Variants in KCNT2 observed in about 807,000 individuals in gnomAD.
KCNT2 encodes the protein potassium sodium-activated channel subfamily T member 2, also known as potassium channel subfamily T member 2.
KCNT2 carries 67 observed loss-of-function variants against 153.8 expected under a neutral mutation model. The ratio of observed to expected loss-of-function variants is 0.44; its 90% CI spans 0.36 to 0.53. KCNT2 has a LOEUF of 0.53. Among genes scored for constraint, KCNT2 ranks in the 20% least tolerant of loss-of-function variants. The pLI is 0.00. For missense variants in KCNT2, 975 were observed against 1,354.8 expected (o/e 0.72, Z 4.40); for synonymous variants, 500 against 458.8 (o/e 1.09, Z -1.15).
At chr1:196,498,764 C>T (rs906622364) in intron 1 of KCNT2, among the ~76,000 whole-genome samples, 2 of 152,188 alleles carry the variant, frequency 1.3e-5, no homozygotes, top group African/African-American at 2.4e-5. Context: ...AGAAAGCATA[C>T]TGCCAAGGTT....
chr1:196,442,238 C>A (rs1675297101), intron 8 of KCNT2, among the ~76,000 whole-genome samples: 1 of 151,798 alleles, frequency 6.6e-6, no homozygotes, highest in Non-Finnish European at 1.5e-5. Flanking sequence ...TACTTAATCA[C>A]TTTACCTTTC....
chr1:196,591,344 G>C (rs1030900385), intron 1 of KCNT2, among the ~76,000 whole-genome samples: 2 of 152,040 alleles, frequency 1.3e-5, no homozygotes, highest in African/African-American at 4.8e-5. Context: ...TACCATGCTT[G>C]CACAGCCTGA....
chr1:196,482,293 A>G, intron 4 of KCNT2, 38 bp downstream of exon 4: 1 of 1,329,636 alleles, frequency 7.5e-7, no homozygotes, highest in South Asian at 1.3e-5. Flanking sequence ...ATGTGAATAA[A>G]CCCAGAGATA....
intron 8 of KCNT2, among the ~76,000 whole-genome samples, chr1:196,464,825 C>G (rs1335388460): frequency 6.6e-6 from 1 of 151,988 alleles, no homozygotes; most frequent in African/African-American, 2.4e-5. Flanking sequence ...TTGCCTTGCA[C>G]TGTCCATAAA....
intron 18 of KCNT2, among the ~76,000 whole-genome samples, chr1:196,329,260 T>C (rs1052005759): frequency 5.9e-5 from 9 of 152,108 alleles, no homozygotes; most frequent in African/African-American, 2.2e-4. Flanking sequence ...TGGGTGCTCA[T>C]TTACATAGCA....
chr1:196,479,372 G>A (rs148767183), intron 4 of KCNT2, 134 bp from the exon 5 acceptor site: 31 of 575,776 alleles, frequency 5.4e-5, no homozygotes, highest in African/African-American at 2.5e-4. Context: ...CTTATTAGGC[G>A]GTACTTTAAC....
chr1:196,343,928 T>G (rs1665906830), intron 14 of KCNT2, among the ~76,000 whole-genome samples: 1 of 152,062 alleles, frequency 6.6e-6, no homozygotes, highest in Admixed American at 6.6e-5. Flanking sequence ...TACAGGCACC[T>G]GCCACCATGC....
chr1:196,231,166 A>AT (rs556222748), intron 27 of KCNT2, among the ~76,000 whole-genome samples: 361 of 149,160 alleles, frequency 2.4e-3, no homozygotes, highest in African/African-American at 5.4e-3. Context: ...GACTGCTAGC[A>AT]TTTTTTTTTT....
intron 10 of KCNT2, 121 bp from the exon 11 acceptor site, chr1:196,426,109 A>G: frequency 1.4e-6 from 1 of 731,688 alleles, no homozygotes; most frequent in South Asian, 2.0e-5. Flanking sequence ...ACTTTTGCTA[A>G]TAAAATTTCA....
intron 26 of KCNT2, among the ~76,000 whole-genome samples, chr1:196,249,952 CA>C (rs1016815416): frequency 4.8e-4 from 73 of 151,718 alleles, no homozygotes; most frequent in Admixed American, 3.3e-3. Flanking sequence ...TTGAAGAGGA[CA>C]AAAAAATTTG....
At chr1:196,340,286 A>G in intron 16 of KCNT2, 55 bp downstream of exon 16, 1 of 1,072,434 alleles carries the variant, frequency 9.3e-7, no homozygotes, top group Non-Finnish European at 1.3e-6. Flanking sequence ...GGTATTTATC[A>G]TTATTTTTTA....
At chr1:196,487,123 C>T (rs1679484586) in intron 3 of KCNT2, among the ~76,000 whole-genome samples, 1 of 151,930 alleles carries the variant, frequency 6.6e-6, no homozygotes, top group Non-Finnish European at 1.5e-5. Context: ...TCTCCCCCTT[C>T]CACGGCATAG....
chr1:196,556,495 T>G (rs994381436), intron 1 of KCNT2, among the ~76,000 whole-genome samples: 1 of 151,192 alleles, frequency 6.6e-6, no homozygotes, highest in Non-Finnish European at 1.5e-5. Context: ...AAGTCAGCAA[T>G]AACAAATGCT....
intron 1 of KCNT2, among the ~76,000 whole-genome samples, chr1:196,530,497 A>G (rs1027594865): frequency 2.6e-5 from 4 of 152,036 alleles, no homozygotes; most frequent in African/African-American, 9.6e-5. Context: ...AAACCGATAT[A>G]TAAACAAACA....
At chr1:196,284,657 G>T (rs1659491346) in intron 23 of KCNT2, among the ~76,000 whole-genome samples, 1 of 151,890 alleles carries the variant, frequency 6.6e-6, no homozygotes, top group African/African-American at 2.4e-5. Context: ...TGGAGTGGGA[G>T]CCCTGCCTCC....
intron 3 of KCNT2, among the ~76,000 whole-genome samples, chr1:196,483,602 C>T (rs554800850): frequency 1.8e-4 from 27 of 152,232 alleles, no homozygotes; most frequent in Admixed American, 3.3e-4. Context: ...TACATTCTGT[C>T]CTCTCATCCT....
intron 21 of KCNT2, among the ~76,000 whole-genome samples, chr1:196,314,320 C>T (rs1662489650): frequency 6.6e-6 from 1 of 151,386 alleles, no homozygotes; most frequent in Non-Finnish European, 1.5e-5. Context: ...ATGATTTTTA[C>T]CCTACTCACT....
At chr1:196,549,990 C>A (rs149007205) in intron 1 of KCNT2, among the ~76,000 whole-genome samples, 1 of 151,866 alleles carries the variant, frequency 6.6e-6, no homozygotes, top group Admixed American at 6.6e-5. Context: ...AGACAGACAT[C>A]ATGTACTTGA....
intron 14 of KCNT2, among the ~76,000 whole-genome samples, chr1:196,351,419 C>G (rs867268568): frequency 2.2e-4 from 33 of 152,210 alleles, no homozygotes; most frequent in Admixed American, 6.5e-4. Context: ...AGGTCCTTCA[C>G]GTCCCTTGTA....
Sources: allele counts gnomAD v4.1 joint callset (sites outside exome capture counted in the v4.1 genomes callset), GRCh38; gene constraint gnomAD v4.1.1; transcripts MANE v1.5; gene names NCBI Gene and HGNC (gene_info 2026-07-23, HGNC 2026-07-21).